PLBD2: variants seen among roughly 807,000 people sequenced by gnomAD.
The protein encoded by PLBD2 is phospholipase B domain containing 2, also known as putative aminopeptidase PLBD2.
In PLBD2, 51 loss-of-function variants were observed where a neutral mutation model predicts 68.3. That is an observed-to-expected ratio of 0.75 (90% CI 0.60 to 0.94). PLBD2 has a LOEUF of 0.94. PLBD2 is among the 40% of genes least tolerant of loss of function. PLBD2 has a pLI of 0.00. For missense variants in PLBD2, 729 were observed against 792.2 expected (o/e 0.92, Z 0.96); for synonymous variants, 314 against 339.3 (o/e 0.93, Z 0.82).
At chr12:113,362,159 A>T (rs778577005) in intron 1 of PLBD2, among the ~76,000 whole-genome samples, 1 of 152,108 alleles carries the variant, frequency 6.6e-6, no homozygotes, top group Non-Finnish European at 1.5e-5. Flanking sequence ...CAGCTTGGGC[A>T]ATGTGGTGAA....
Position 113,358,801 on chromosome 12 carries a change from C to G in PLBD2, c.201C>G (p.Asp67Glu), listed in dbSNP as rs745435969. The change falls in exon 1 of 12, where the codon GAC (aspartate) becomes GAG (glutamate). Residue 67 changes from aspartate to glutamate, a missense_variant. By Grantham distance (45) the Asp-to-Glu change is conservative. Transcript: ENST00000280800. ...CCCGCAGCCGCTCGGTGCTCCTGGACGTCTCGGCGGGCCAGCTGCTTATGG... is the reference window on the plus strand; with the variant it reads ...CCCGCAGCCGCTCGGTGCTCCTGGAGGTCTCGGCGGGCCAGCTGCTTATGG... ...PASRSRSVLL[D>E]VSAGQLLMVD... 1.0e-5 allele frequency: 15 copies of G among 1,490,976 alleles called. No individual in the cohort carries two copies. The highest frequency in any genetic ancestry group is 5.0e-5 in the Admixed American group (2 of 40,258). 92.4% of individuals were successfully genotyped at this position (1,490,976 alleles called of 1,614,324 possible). A position where few individuals can be genotyped will look rare whatever the true frequency, so the allele number is the denominator to read the frequency against.
At chr12:113,367,748 CAAAAAAA>C (rs563757349) in intron 1 of PLBD2, among the ~76,000 whole-genome samples, 1 of 64,270 alleles carries the variant, frequency 1.6e-5, no homozygotes, top group Non-Finnish European at 3.3e-5. Context: ...GATGCTGTCT[CAAAAAAA>C]AAAAAAAAAA....
At chr12:113,387,597 A>G in intron 10 of PLBD2, 147 bp from the exon 11 acceptor site, 1 of 864,072 alleles carries the variant, frequency 1.2e-6, no homozygotes. Context: ...CCCCAGGCAG[A>G]GGAACTGTCG....
At chr12:113,385,813 C>A (rs1957546117) in intron 9 of PLBD2, among the ~76,000 whole-genome samples, 1 of 152,098 alleles carries the variant, frequency 6.6e-6, no homozygotes, top group Admixed American at 6.5e-5. Context: ...TGCAATGGTG[C>A]AATCTCAGCT....
chr12:113,360,413 AG>A, intron 1 of PLBD2, among the ~76,000 whole-genome samples: 1 of 152,208 alleles, frequency 6.6e-6, no homozygotes, highest in East Asian at 1.9e-4. Flanking sequence ...CAGCATGGGG[AG>A]GGGGCTTTGG....
Position 113,388,887 on chromosome 12 carries a change from C to T in PLBD2, c.*261C>T. 2.7e-6 allele frequency: 1 copy of T among 367,790 alleles called. No individual in the cohort carries two copies. Among genetic ancestry groups the T allele is most frequent in the Non-Finnish European group, 4.8e-6 (1 of 206,318 alleles). The allele number at this position is 367,790 out of a possible 1,614,324, so 22.8% of individuals were successfully genotyped here. The stretch of plus-strand genomic sequence containing the variant: ...CCCACTCTCTGTTTCTGTCTGTTTC[C>T]TACTGCTGCTCTCTCAACCTCATTC... On this transcript the variant is annotated 3_prime_UTR_variant, in exon 12 of 12. Coordinates refer to ENST00000280800, the MANE Select transcript of PLBD2 (RefSeq NM_173542.4).
chr12:113,382,083 A>G (rs1593289372), intron 6 of PLBD2, among the ~76,000 whole-genome samples: 1 of 152,204 alleles, frequency 6.6e-6, no homozygotes, highest in Non-Finnish European at 1.5e-5. Flanking sequence ...TCAGCTTCCG[A>G]AAGTGCTGGG....
At chr12:113,364,627 T>C (rs1957326380) in intron 1 of PLBD2, among the ~76,000 whole-genome samples, 1 of 151,958 alleles carries the variant, frequency 6.6e-6, no homozygotes, top group South Asian at 2.1e-4. Context: ...CTGGTTAATT[T>C]ATTTTGTATT....
At chr12:113,360,623 C>T (rs1375956540) in intron 1 of PLBD2, among the ~76,000 whole-genome samples, 1 of 152,220 alleles carries the variant, frequency 6.6e-6, no homozygotes, top group Non-Finnish European at 1.5e-5. Context: ...TGGAAATTCA[C>T]TGGGGTCACA....
intron 5 of PLBD2, among the ~76,000 whole-genome samples, chr12:113,378,270 C>A (rs1957451414): frequency 2.0e-5 from 3 of 150,128 alleles, no homozygotes; most frequent in East Asian, 2.0e-4. Flanking sequence ...CCAACCTAGG[C>A]AACAGAGTCG....
intron 1 of PLBD2, among the ~76,000 whole-genome samples, chr12:113,362,997 T>C (rs34114640): frequency 0.036 from 5,513 of 151,446 alleles, 152 homozygotes; most frequent in Middle Eastern, 0.092. Flanking sequence ...GGTTTCACCA[T>C]GTTGGCCAGG....
chr12:113,360,146 G>T (rs1957278008), intron 1 of PLBD2, among the ~76,000 whole-genome samples: 1 of 152,178 alleles, frequency 6.6e-6, no homozygotes, highest in African/African-American at 2.4e-5. Flanking sequence ...GTAGACGTGA[G>T]ATTTGGGGGA....
In PLBD2 at chr12:113,387,877, C is replaced by T; in HGVS notation, c.1573C>T (p.Gln525Ter). The T allele has an allele frequency of 6.2e-7, 1 of 1,614,224 alleles. No homozygotes were observed. Among genetic ancestry groups the T allele is most frequent in the Non-Finnish European group, 8.5e-7 (1 of 1,180,038 alleles). The part of the protein sequence containing the change: ...NGSYPFQALR[Q>*]RSHGGIDVKV... The stretch of plus-strand genomic sequence containing the variant: ...CTCCTACCCCTTCCAGGCCCTGCGT[C>T]AGCGCTCCCATGGGGGTATCGATGT... Residue 525 changes from glutamine (Q) to a stop codon, truncating the protein, a stop_gained, in exon 11 of 12, where the codon CAG becomes TAG. Transcript: ENST00000280800. LOFTEE classifies it high-confidence loss of function.
rs571555397 is a variant in PLBD2, at chr12:113,385,412, C to T, written c.1286+129C>T. ...ATCCCAGCCTACCCCCTTTTCTGGC[C>T]AGGAGAGCCCAGACAGTTTGGCAGT... On this transcript the variant is annotated intron_variant, in intron 9 of 11. Coordinates refer to ENST00000280800, the MANE Select transcript of PLBD2 (RefSeq NM_173542.4). 155 of 827,844 alleles carry T rather than the reference C, an allele frequency of 1.9e-4. No homozygotes were observed. In the African/African-American group the frequency reaches 2.4e-3, roughly 13 times the overall value. 51.3% of individuals were successfully genotyped at this position (827,844 alleles called of 1,614,324 possible).
chr12:113,367,683 G>A (rs1049619230), intron 1 of PLBD2, among the ~76,000 whole-genome samples: 5 of 151,400 alleles, frequency 3.3e-5, no homozygotes, highest in African/African-American at 9.7e-5. Context: ...CTGGGAGGCC[G>A]GAGGCTGCAG....
intron 1 of PLBD2, 151 bp downstream of exon 1, chr12:113,359,041 C>A: frequency 2.3e-6 from 2 of 876,040 alleles, no homozygotes; most frequent in Non-Finnish European, 3.3e-6. Context: ...CACCGCCCTG[C>A]GGGCCAAGTA....
rs540131201 is a variant in PLBD2 at position 113,374,873 on chromosome 12, G to C, written c.725G>C (p.Gly242Ala). The C allele has an allele frequency of 2.2e-5, 36 of 1,614,012 alleles. No individual in the cohort carries two copies. Among genetic ancestry groups the C allele is most frequent in the Non-Finnish European group, 2.5e-5 (30 of 1,180,028 alleles). ...AAGATCAAACCTTCTCTGGGCTCTG[G>C]CTCCTGTTCTGCCCTCATCAAGCTG... ...KTKIKPSLGS[G>A]SCSALIKLLP... The change falls in exon 5 of 12, where the codon GGC becomes GCC. Residue 242 changes from glycine to alanine, a missense_variant. By Grantham distance (60) the Gly-to-Ala change is moderately conservative (BLOSUM62 0). Coordinates refer to ENST00000280800, the MANE Select transcript of PLBD2 (RefSeq NM_173542.4).
At chr12:113,382,769 T>G (rs2136920025) in intron 6 of PLBD2, among the ~76,000 whole-genome samples, 2 of 151,832 alleles carry the variant, frequency 1.3e-5, no homozygotes, top group South Asian at 2.1e-4. Context: ...AAAATCACAT[T>G]TATGGATACA....
intron 1 of PLBD2, among the ~76,000 whole-genome samples, chr12:113,360,440 C>T (rs760504382): frequency 2.0e-5 from 3 of 152,158 alleles, no homozygotes; most frequent in Non-Finnish European, 4.4e-5. Flanking sequence ...GGAGGCCCCT[C>T]CTGGGCTGTG....
Sources: allele counts gnomAD v4.1 joint callset (sites outside exome capture counted in the v4.1 genomes callset), GRCh38; gene constraint gnomAD v4.1.1; transcripts MANE v1.5; gene names NCBI Gene and HGNC (gene_info 2026-07-23, HGNC 2026-07-21).